Variants in PPM1B observed in about 807,000 individuals in gnomAD.
PPM1B encodes the protein protein phosphatase, Mg2+/Mn2+ dependent 1B, also known as protein phosphatase 1B.
A neutral mutation model predicts 43.0 loss-of-function variants in PPM1B; 22 were observed. The observed-to-expected ratio is 0.51, with a 90% confidence interval of 0.37 to 0.73. The LOEUF is 0.73. Among genes scored for constraint, PPM1B ranks in the 30% least tolerant of loss-of-function variants. The pLI is 0.00. For synonymous variants in PPM1B, 217 were observed against 197.9 expected (o/e 1.10, Z -0.81); for missense variants, 632 against 584.2 (o/e 1.08, Z -0.84).
intron 3 of PPM1B, among the ~76,000 whole-genome samples, chr2:44,216,187 C>G (rs981846021): frequency 1.3e-5 from 2 of 152,018 alleles, no homozygotes; most frequent in African/African-American, 4.8e-5. Flanking sequence ...GCCAAAATAC[C>G]GATTAGAAAT....
downstream of PPM1B, chr2:44,233,953 C>T (rs1438696596): frequency 1.0e-6 from 1 of 985,402 alleles, no homozygotes; most frequent in Non-Finnish European, 1.2e-6. Flanking sequence ...ACTGTCCACT[C>T]TGATCCAACC....
intron 1 of PPM1B, among the ~76,000 whole-genome samples, chr2:44,175,445 T>C (rs948634009): frequency 1.1e-4 from 16 of 152,202 alleles, no homozygotes; most frequent in South Asian, 2.1e-4. Flanking sequence ...CCAATTCTTA[T>C]GTTCACTGAG....
chr2:44,206,299 A>G (rs1669185827), intron 2 of PPM1B, among the ~76,000 whole-genome samples: 1 of 152,216 alleles, frequency 6.6e-6, no homozygotes, highest in East Asian at 1.9e-4. Context: ...TTGTCTCTAA[A>G]AAACAATGGC....
intron 5 of PPM1B, 112 bp downstream of exon 5, chr2:44,218,649 T>C (rs536436121): frequency 2.9e-6 from 2 of 701,636 alleles, no homozygotes; most frequent in Non-Finnish European, 4.7e-6. Context: ...TGTAGTAAAT[T>C]ACTACTGCTT....
At chr2:44,243,207 G>C (rs1229980254) in intron 5 of PPM1B, among the ~76,000 whole-genome samples, 1 of 152,192 alleles carries the variant, frequency 6.6e-6, no homozygotes, top group Non-Finnish European at 1.5e-5. Context: ...GATGCTCAGA[G>C]CTGAAGAGTA....
chr2:44,226,670 A>G (rs940186533), intron 5 of PPM1B, among the ~76,000 whole-genome samples: 2 of 150,612 alleles, frequency 1.3e-5, no homozygotes, highest in Non-Finnish European at 3.0e-5. Flanking sequence ...TTATGTGTAA[A>G]TCTTTGAAGC....
chr2:44,171,647 T>C (rs928947031), intron 1 of PPM1B, among the ~76,000 whole-genome samples: 2 of 151,564 alleles, frequency 1.3e-5, no homozygotes, highest in African/African-American at 4.9e-5. Flanking sequence ...CTGGCCAACA[T>C]GGTGAAACAC....
intron 5 of PPM1B, among the ~76,000 whole-genome samples, chr2:44,229,726 A>G (rs968721405): frequency 1.3e-5 from 2 of 152,174 alleles, no homozygotes; most frequent in African/African-American, 4.8e-5. Context: ...AACTGTGATC[A>G]GCTTGGATGA....
At chr2:44,233,778 C>A, downstream of PPM1B, 4 of 985,612 alleles carry the variant, frequency 4.1e-6, no homozygotes, top group Non-Finnish European at 3.6e-6. Flanking sequence ...GATTTTTGGT[C>A]TAAAAGGAAT....
intron 5 of PPM1B, among the ~76,000 whole-genome samples, chr2:44,241,524 G>A (rs1004926821): frequency 5.6e-5 from 8 of 142,836 alleles, no homozygotes; most frequent in African/African-American, 1.7e-4. Flanking sequence ...TTGAGGTCAA[G>A]AGTTCGAGAC....
chr2:44,174,896 A>T (rs947363032), intron 1 of PPM1B, among the ~76,000 whole-genome samples: 6 of 152,172 alleles, frequency 3.9e-5, no homozygotes, highest in Non-Finnish European at 8.8e-5. Flanking sequence ...TGACTAAAGC[A>T]TTTATCTCTG....
intron 1 of PPM1B, among the ~76,000 whole-genome samples, chr2:44,170,890 C>A (rs1465617716): frequency 6.6e-6 from 1 of 152,108 alleles, no homozygotes; most frequent in Non-Finnish European, 1.5e-5. Flanking sequence ...ATATTTTAGT[C>A]CACACATTTT....
downstream of PPM1B, chr2:44,232,383 T>C (rs376820188): frequency 6.9e-6 from 11 of 1,594,000 alleles, no homozygotes; most frequent in African/African-American, 4.1e-5. Flanking sequence ...ATTCTGAAAA[T>C]TGGGGGAAAA....
chr2:44,193,700 C>T (rs1430355538), intron 1 of PPM1B, among the ~76,000 whole-genome samples: 2 of 151,646 alleles, frequency 1.3e-5, no homozygotes, highest in Non-Finnish European at 2.9e-5. Flanking sequence ...CTGCTTCAGC[C>T]CCCCAGTAGC....
At chr2:44,234,357 A>G (rs1168809465), downstream of PPM1B, 1 of 543,186 alleles carries the variant, frequency 1.8e-6, no homozygotes, top group Non-Finnish European at 2.3e-6. Flanking sequence ...TGCCTCTACT[A>G]AAAATACAAA....
intron 3 of PPM1B, among the ~76,000 whole-genome samples, chr2:44,209,833 GA>G (rs139005437): frequency 0.056 from 8,441 of 150,876 alleles, 303 homozygotes; most frequent in Non-Finnish European, 0.085. Context: ...ACAAGTCCTT[GA>G]AAAAACACAT....
intron 3 of PPM1B, among the ~76,000 whole-genome samples, chr2:44,217,285 G>A (rs1669766093): frequency 6.6e-6 from 1 of 151,826 alleles, no homozygotes; most frequent in Non-Finnish European, 1.5e-5. Context: ...TGTAATCCCA[G>A]CTACTCGGGA....
At chr2:44,218,868 C>G (rs1436572263) in intron 5 of PPM1B, 1 of 463,598 alleles carries the variant, frequency 2.2e-6, no homozygotes. Flanking sequence ...TTTTAAATAT[C>G]TCAATTTCTC....
chr2:44,175,748 A>G (rs1328841971), intron 1 of PPM1B, among the ~76,000 whole-genome samples: 1 of 152,146 alleles, frequency 6.6e-6, no homozygotes, highest in East Asian at 1.9e-4. Context: ...GGAAAGAGGA[A>G]ATATTGTTGT....
Sources: allele counts gnomAD v4.1 joint callset (sites outside exome capture counted in the v4.1 genomes callset), GRCh38; gene constraint gnomAD v4.1.1; transcripts MANE v1.5; gene names NCBI Gene and HGNC (gene_info 2026-07-23, HGNC 2026-07-21).